CNTLN: variants seen among roughly 807,000 people sequenced by gnomAD.
The protein encoded by CNTLN is centlein, centrosomal protein.
In CNTLN, 212 loss-of-function variants were observed where a neutral mutation model predicts 180.0. The observed-to-expected ratio is 1.18, with a 90% CI of 1.05 to 1.32. The LOEUF is 1.32. Ranked by LOEUF, CNTLN falls within the 40% of genes most tolerant of loss-of-function variation. CNTLN has a pLI of 0.00. For missense variants in CNTLN, 2,095 were observed against 1,610.9 expected, an observed-to-expected ratio of 1.30 and a Z score of -5.14; for synonymous variants, 722 against 563.1, an observed-to-expected ratio of 1.28 and a Z score of -3.99.
At chr9:17,404,074 C>CCCTATTTTTAGCTT (rs1827189804) in intron 15 of CNTLN, among the ~76,000 whole-genome samples, 1 of 151,782 alleles carries the variant, frequency 6.6e-6, no homozygotes, top group African/African-American at 2.4e-5. Context: ...CCAAGCCCAG[C>CCCTATTTTTAGCTT]TAAAAGACAG....
At chr9:17,478,498 T>G (rs958401421) in intron 23 of CNTLN, among the ~76,000 whole-genome samples, 1 of 152,114 alleles carries the variant, frequency 6.6e-6, no homozygotes, top group African/African-American at 2.4e-5. Flanking sequence ...TCATAGAGAT[T>G]TTTTAAAATG....
chr9:17,259,233 CAT>C (rs1372019542), intron 5 of CNTLN, among the ~76,000 whole-genome samples: 2 of 149,386 alleles, frequency 1.3e-5, no homozygotes, highest in East Asian at 3.9e-4. Context: ...TTGAGATAAT[CAT>C]GTGGTTTTTG....
At chr9:17,431,962 G>A (rs544963530) in intron 18 of CNTLN, among the ~76,000 whole-genome samples, 1 of 152,108 alleles carries the variant, frequency 6.6e-6, no homozygotes, top group Non-Finnish European at 1.5e-5. Context: ...TAACTCTTCT[G>A]CAAAAGTATT....
At chr9:17,238,335 AATTTATTTTT>A in intron 5 of CNTLN, among the ~76,000 whole-genome samples, 1 of 152,146 alleles carries the variant, frequency 6.6e-6, no homozygotes, top group African/African-American at 2.4e-5. Flanking sequence ...ATCTATTCAT[AATTTATTTTT>A]GGATGTGATG....
chr9:17,429,342 A>G (rs148491271), intron 18 of CNTLN, among the ~76,000 whole-genome samples: 6 of 152,168 alleles, frequency 3.9e-5, no homozygotes, highest in Admixed American at 1.3e-4. Flanking sequence ...AATGGAAGCT[A>G]TTGTAGACTG....
chr9:17,215,673 G>A (rs1045432518), intron 2 of CNTLN, among the ~76,000 whole-genome samples: 2 of 152,120 alleles, frequency 1.3e-5, no homozygotes, highest in Admixed American at 6.6e-5. Flanking sequence ...AGGCTGGCAG[G>A]CCTCCTTGAA....
At chr9:17,387,698 T>C (rs1367132243) in intron 13 of CNTLN, among the ~76,000 whole-genome samples, 3 of 151,998 alleles carry the variant, frequency 2.0e-5, no homozygotes, top group Non-Finnish European at 4.4e-5. Flanking sequence ...AAAAAGGTTG[T>C]GGTAGGGGTT....
intron 2 of CNTLN, among the ~76,000 whole-genome samples, chr9:17,178,195 C>T (rs1233256963): frequency 6.6e-6 from 1 of 152,186 alleles, no homozygotes. Flanking sequence ...TCGATTGGTG[C>T]ATTCACAAGC....
At position 17,343,294 on chromosome 9, in the gene CNTLN, T is replaced by A. The variant is rs188714062; in HGVS notation, c.1886+850T>A. ...TAACTATTTCTTCATTTAGAGTTAA[T>A]GCCTGACACTCAAGCATACAGTTTT... On this transcript the variant is annotated intron_variant, in intron 12 of 25. Transcript: ENST00000380647. 1.2e-3 allele frequency among the ~76,000 whole-genome samples: 186 copies of A among 152,340 alleles called. 2 individuals are homozygous for A. Among genetic ancestry groups the A allele is most frequent in the African/African-American group, 4.1e-3 (172 of 41,576 alleles).
intron 6 of CNTLN, among the ~76,000 whole-genome samples, chr9:17,284,871 C>G: frequency 6.6e-6 from 1 of 151,980 alleles, no homozygotes; most frequent in East Asian, 1.9e-4. Flanking sequence ...TGAGATTTTT[C>G]TAGCTTTTTG....
At chr9:17,223,304 G>C (rs970371084) in intron 2 of CNTLN, among the ~76,000 whole-genome samples, 7 of 151,964 alleles carry the variant, frequency 4.6e-5, no homozygotes, top group African/African-American at 1.7e-4. Flanking sequence ...GAGGGTAAGG[G>C]GGAACTACGG....
At chr9:17,446,587 A>G (rs1334073856) in intron 18 of CNTLN, among the ~76,000 whole-genome samples, 1 of 152,174 alleles carries the variant, frequency 6.6e-6, no homozygotes, top group Admixed American at 6.5e-5. Context: ...TTACTGAGAA[A>G]TTCTTTATCT....
At chr9:17,162,069 G>T (rs777522092) in intron 2 of CNTLN, among the ~76,000 whole-genome samples, 4 of 151,954 alleles carry the variant, frequency 2.6e-5, no homozygotes, top group Non-Finnish European at 5.9e-5. Flanking sequence ...TAGCAACCTC[G>T]TGCCCTCTTC....
chr9:17,323,753 T>C (rs1421637444), intron 8 of CNTLN, among the ~76,000 whole-genome samples: 2 of 152,224 alleles, frequency 1.3e-5, no homozygotes, highest in African/African-American at 4.8e-5. Flanking sequence ...TGGCCAACCC[T>C]TTGACAGGCC....
At chr9:17,298,931 T>G in intron 7 of CNTLN, 2 of 985,244 alleles carry the variant, frequency 2.0e-6, no homozygotes, top group South Asian at 9.4e-5. Context: ...AGCAATAATT[T>G]AATCTACTAA....
At chr9:17,251,092 T>C (rs1480010638) in intron 5 of CNTLN, among the ~76,000 whole-genome samples, 3 of 152,016 alleles carry the variant, frequency 2.0e-5, no homozygotes, top group Non-Finnish European at 4.4e-5. Flanking sequence ...TACTTCATGG[T>C]TTCTGGCAAG....
chr9:17,404,305 A>G (rs1827208910), intron 15 of CNTLN, among the ~76,000 whole-genome samples: 2 of 151,732 alleles, frequency 1.3e-5, no homozygotes, highest in South Asian at 4.1e-4. Context: ...GGAATAAAGT[A>G]TTTTAGGTTG....
intron 2 of CNTLN, among the ~76,000 whole-genome samples, chr9:17,174,056 A>G (rs1820570074): frequency 6.6e-6 from 1 of 152,180 alleles, no homozygotes; most frequent in Admixed American, 6.5e-5. Flanking sequence ...TTGTAATTTT[A>G]TCATTTCTAA....
chr9:17,425,920 A>G (rs984924722), intron 18 of CNTLN, among the ~76,000 whole-genome samples: 1 of 152,220 alleles, frequency 6.6e-6, no homozygotes, highest in Non-Finnish European at 1.5e-5. Flanking sequence ...ATTAAGCATA[A>G]GTATACCACA....
Sources: gnomAD v4.1 joint callset for allele counts (sites outside exome capture counted in the v4.1 genomes callset) on GRCh38, gnomAD v4.1.1 for gene constraint, MANE v1.5 for transcripts, NCBI Gene and HGNC (gene_info 2026-07-23, HGNC 2026-07-21) for gene names.